The following FBXW7 variants were observed in gnomAD, a reference collection of about 807,000 sequenced individuals.
The protein encoded by FBXW7 is F-box/WD repeat-containing protein 7.
Under a neutral mutation model 86.3 loss-of-function variants are expected in FBXW7, and 11 were observed. The observed-to-expected ratio is 0.13, with a 90% CI of 0.08 to 0.21. The LOEUF (loss-of-function observed/expected upper bound fraction) is 0.21, where lower values mean the gene tolerates loss of function less well. Among genes scored for constraint, FBXW7 ranks in the 10% least tolerant of loss-of-function variants. FBXW7 has a pLI of 1.00. For synonymous variants in FBXW7, 313 were observed against 297.9 expected (o/e 1.05, Z -0.52); for missense variants, 488 against 847.4 (o/e 0.58, Z 5.27).
intron 2 of FBXW7, among the ~76,000 whole-genome samples, chr4:152,448,949 A>G (rs937378189): frequency 6.6e-6 from 1 of 152,178 alleles, no homozygotes; most frequent in East Asian, 1.9e-4. Flanking sequence ...CTGTTTGCCT[A>G]CTCCTTCAGC....
chr4:152,336,499 TA>T (rs1325447488), intron 7 of FBXW7, among the ~76,000 whole-genome samples: 1 of 152,052 alleles, frequency 6.6e-6, no homozygotes, highest in Non-Finnish European at 1.5e-5. Context: ...ATACGGAGGA[TA>T]TCACTAAGTA....
intron 2 of FBXW7, among the ~76,000 whole-genome samples, chr4:152,424,885 C>T (rs1474773056): frequency 6.6e-6 from 1 of 152,168 alleles, no homozygotes; most frequent in Admixed American, 6.5e-5. Flanking sequence ...ATAAAGCTAA[C>T]GTTCACTTGC....
intron 4 of FBXW7, among the ~76,000 whole-genome samples, chr4:152,357,874 CAG>C (rs1242970751): frequency 6.6e-6 from 1 of 152,096 alleles, no homozygotes; most frequent in African/African-American, 2.4e-5. Context: ...ATGCCAGCCA[CAG>C]AATAAAATAA....
In FBXW7 at chr4:152,329,652, T is replaced by C. The variant is rs769393486; in HGVS notation, c.1236+20A>G. 14 of 1,321,054 alleles carry C rather than the reference T, an allele frequency of 1.1e-5. No individual in the cohort carries two copies. Among genetic ancestry groups the C allele is most frequent in the Admixed American group, 2.3e-5 (1 of 44,436 alleles). 81.8% of individuals were successfully genotyped at this position (1,321,054 alleles called of 1,614,324 possible). ...TACACAAAATTATGACTTTGTGAAG[T>C]GTAGGAAGAGTAAACTTACTTTGCC... On this transcript the variant is annotated intron_variant, in intron 10 of 13. Coordinates refer to ENST00000281708, the MANE Select transcript of FBXW7 (RefSeq NM_001349798.2).
In FBXW7 at chr4:152,526,578, G is replaced by T. The variant is rs1490433034; in HGVS notation, c.-120+8363C>A. Reference sequence around the variant, plus strand: ...AGAATCATGTAAACAAAATTATTTCGATCTTAATTTGAGATGTAAATGACA... The same window carrying T: ...AGAATCATGTAAACAAAATTATTTCTATCTTAATTTGAGATGTAAATGACA... On this transcript the variant is annotated intron_variant, in intron 2 of 13. Transcript: ENST00000281708. Among the ~76,000 whole-genome samples the T allele has an allele frequency of 3.3e-5, 5 of 152,078 alleles. No individual in the cohort carries two copies. In the East Asian group the frequency reaches 5.8e-4, roughly 18 times the overall value.
chr4:152,374,731 C>T (rs954379034), intron 4 of FBXW7, among the ~76,000 whole-genome samples: 1 of 151,808 alleles, frequency 6.6e-6, no homozygotes, highest in African/African-American at 2.4e-5. Flanking sequence ...GCCTAAGGAC[C>T]AAAGATAACA....
In FBXW7 at chr4:152,415,750, C is replaced by G. The variant is rs185703092; in HGVS notation, c.-119-3221G>C. Among the ~76,000 whole-genome samples, 380 of 152,218 alleles carry G rather than the reference C, an allele frequency of 2.5e-3. 3 individuals are homozygous for G. The highest frequency in any genetic ancestry group is 8.1e-3 in the African/African-American group (336 of 41,536). ...GTGAACTCATATTTTACTACTCTCT[C>G]ACTTTGTTCCACCCTTTCTGTCACC... On this transcript the variant is annotated intron_variant, in intron 2 of 13. Transcript: ENST00000281708.
intron 2 of FBXW7, among the ~76,000 whole-genome samples, chr4:152,434,715 T>C (rs1740218399): frequency 1.3e-5 from 2 of 152,070 alleles, no homozygotes; most frequent in African/African-American, 2.4e-5. Flanking sequence ...CAAAAATCGT[T>C]AAAGAGAAGA....
At chr4:152,426,682 G>A (rs1739416889) in intron 2 of FBXW7, among the ~76,000 whole-genome samples, 1 of 152,156 alleles carries the variant, frequency 6.6e-6, no homozygotes, top group African/African-American at 2.4e-5. Flanking sequence ...AGATGAAAAC[G>A]GGTAGGTCGT....
chr4:152,474,861 T>C (rs772076188), intron 2 of FBXW7, among the ~76,000 whole-genome samples: 9 of 152,138 alleles, frequency 5.9e-5, no homozygotes, highest in Non-Finnish European at 1.0e-4. Context: ...AGACGGGGTT[T>C]CACCATGTTA....
chr4:152,501,680 T>C (rs571777870), intron 2 of FBXW7, among the ~76,000 whole-genome samples: 10 of 152,304 alleles, frequency 6.6e-5, no homozygotes, highest in African/African-American at 2.4e-4. Context: ...AATCTAAAGT[T>C]TGTTGTAAAC....
chr4:152,360,829 T>C (rs1732870426), intron 4 of FBXW7, among the ~76,000 whole-genome samples: 1 of 147,540 alleles, frequency 6.8e-6, no homozygotes, highest in Non-Finnish European at 1.5e-5. Flanking sequence ...TATATTAAAA[T>C]ATATTAAATA....
rs566628892 is a variant in FBXW7, at chr4:152,470,180, A to G, written c.-119-57651T>C. Among the ~76,000 whole-genome samples the G allele has an allele frequency of 2.0e-5, 3 of 152,140 alleles. No individual in the cohort carries two copies. The South Asian group carries it at 6.2e-4, about 31-fold the overall frequency. On this transcript the variant is annotated intron_variant, in intron 2 of 13. Transcript: ENST00000281708. ...TGAAACAATTTTTTCATAGCCTTAT[A>G]ATTTAAATTTTATAGGTAATATATA... is the stretch of plus-strand genomic sequence containing the variant.
At chr4:152,439,758 C>T (rs559493549) in intron 2 of FBXW7, among the ~76,000 whole-genome samples, 13 of 150,282 alleles carry the variant, frequency 8.7e-5, no homozygotes, top group South Asian at 2.1e-4. Flanking sequence ...CCCAGCTACT[C>T]AGGAGGCTGA....
chr4:152,447,336 G>A (rs943624549), intron 2 of FBXW7, among the ~76,000 whole-genome samples: 2 of 152,214 alleles, frequency 1.3e-5, no homozygotes, highest in South Asian at 4.1e-4. Context: ...GTATTTTTAT[G>A]TGGTGGAGTC....
At chr4:152,449,370 G>C (rs1741705154) in intron 2 of FBXW7, among the ~76,000 whole-genome samples, 1 of 152,092 alleles carries the variant, frequency 6.6e-6, no homozygotes, top group African/African-American at 2.4e-5. Context: ...GATGGAAGAG[G>C]GTAGGAGGGT....
chr4:152,326,278 G>A lies in FBXW7; in HGVS notation c.1419-47C>T, dbSNP rs780805225. 49 of 1,416,126 alleles carry A rather than the reference G, an allele frequency of 3.5e-5. No homozygotes were observed. The South Asian group carries it at 5.4e-4, about 16-fold the overall frequency. 87.7% of individuals were successfully genotyped at this position (1,416,126 alleles called of 1,614,324 possible). On this transcript the variant is annotated intron_variant, in intron 11 of 13. Transcript: ENST00000281708. ...AACAAAACAAAACAAAAAAACCCAC[G>A]TTTAGAATTTTTAATAATATGAGAA...
chr4:152,387,951 G>A (rs895263908), intron 4 of FBXW7, among the ~76,000 whole-genome samples: 2 of 151,864 alleles, frequency 1.3e-5, no homozygotes, highest in East Asian at 3.9e-4. Context: ...CTTGTGATCC[G>A]CCCACCTCGG....
Position 152,411,087 on chromosome 4 carries a change from TTACTTTCCCTCCATTTG to T in FBXW7, c.501+199_501+215del, listed in dbSNP as rs1737906276. 1.7e-4 allele frequency: 139 copies of T among 836,242 alleles called. 1 individual carries two copies. In the East Asian group the frequency reaches 4.2e-3, roughly 25 times the overall value. 51.8% of individuals were successfully genotyped at this position (836,242 alleles called of 1,614,324 possible). On this transcript the variant is annotated intron_variant, in intron 4 of 13. Transcript: ENST00000281708. The stretch of plus-strand genomic sequence containing the variant: ...TAATTTTTCATAGTAATAGGCTCAA[TTACTTTCCCTCCATTTG>T]TACTCAGATTGTCCCATTATCAGTA...
Sources: allele counts gnomAD v4.1 joint callset (sites outside exome capture counted in the v4.1 genomes callset), GRCh38; gene constraint gnomAD v4.1.1; transcripts MANE v1.5; gene names NCBI Gene and HGNC (gene_info 2026-07-23, HGNC 2026-07-21).